The following ULK4 variants were observed in gnomAD, a reference collection of about 807,000 sequenced individuals.
ULK4 encodes the protein unc-51 like kinase 4, also known as inactive serine/threonine-protein kinase ULK4.
In ULK4, 133 loss-of-function variants were observed where a neutral mutation model predicts 160.6. The ratio of observed to expected loss-of-function variants is 0.83; its 90% confidence interval spans 0.72 to 0.96. The LOEUF (loss-of-function observed/expected upper bound fraction) is 0.96. Among genes scored for constraint, ULK4 ranks in the 40% least tolerant of loss-of-function variants. The pLI, the probability that ULK4 is intolerant of heterozygous loss-of-function variation, is 0.00. For missense variants in ULK4, 1,580 were observed against 1,499.5 expected, an observed-to-expected ratio of 1.05 and a Z score of -0.89; for synonymous variants, 534 against 539.8, an observed-to-expected ratio of 0.99 and a Z score of 0.15.
At chr3:41,897,884 T>C (rs1698220346) in intron 14 of ULK4, among the ~76,000 whole-genome samples, 1 of 152,222 alleles carries the variant, frequency 6.6e-6, no homozygotes, top group Admixed American at 6.5e-5. Context: ...ATATAATTTG[T>C]TAAACGAAAA....
In ULK4 at chr3:41,458,525, C is replaced by T. The variant is rs572599127; in HGVS notation, c.3394-2930G>A. Among the ~76,000 whole-genome samples, 4 of 151,974 alleles carry T rather than the reference C, an allele frequency of 2.6e-5. No homozygotes were observed. The South Asian group carries it at 8.3e-4, about 32-fold the overall frequency. Reference sequence around the variant, plus strand: ...GCCGAGGCGGGTGGCCTGTCAATTTCTGGGCCATATTTAACATTAAATAGC... The same window carrying T: ...GCCGAGGCGGGTGGCCTGTCAATTTTTGGGCCATATTTAACATTAAATAGC... On this transcript the variant is annotated intron_variant, in intron 33 of 36. Coordinates refer to ENST00000301831, the MANE Select transcript of ULK4 (RefSeq NM_017886.4).
At chr3:41,460,852 GACC>G (rs2083666883) in intron 33 of ULK4, among the ~76,000 whole-genome samples, 1 of 152,056 alleles carries the variant, frequency 6.6e-6, no homozygotes, top group Non-Finnish European at 1.5e-5. Flanking sequence ...GCAGAGTGGT[GACC>G]ACATCTACTT....
At chr3:41,924,567 A>G (rs1358305018) in intron 5 of ULK4, among the ~76,000 whole-genome samples, 1 of 152,192 alleles carries the variant, frequency 6.6e-6, no homozygotes, top group Non-Finnish European at 1.5e-5. Flanking sequence ...ACTGAAATAT[A>G]CCATTGACCT....
At chr3:41,656,995 G>C (rs576153212) in intron 30 of ULK4, among the ~76,000 whole-genome samples, 11 of 152,282 alleles carry the variant, frequency 7.2e-5, no homozygotes, top group African/African-American at 2.6e-4. Context: ...GCAACCTACT[G>C]TAAAATTAAG....
At chr3:41,575,241 T>C (rs972283671) in intron 31 of ULK4, among the ~76,000 whole-genome samples, 5 of 152,202 alleles carry the variant, frequency 3.3e-5, no homozygotes, top group African/African-American at 9.6e-5. Context: ...ATGGATTTCC[T>C]AGGAAGAAAG....
chr3:41,325,011 A>C (rs893671732), intron 35 of ULK4, among the ~76,000 whole-genome samples: 3 of 151,996 alleles, frequency 2.0e-5, no homozygotes, highest in African/African-American at 7.3e-5. Flanking sequence ...GCCAAATGAG[A>C]TCATCTACAC....
chr3:41,829,973 A>G (rs1372945377), intron 18 of ULK4, among the ~76,000 whole-genome samples: 1 of 151,992 alleles, frequency 6.6e-6, no homozygotes, highest in African/African-American at 2.4e-5. Flanking sequence ...GCCATAAAAA[A>G]TGATGAGTTC....
chr3:41,601,469 G>C (rs991537461), intron 31 of ULK4, among the ~76,000 whole-genome samples: 2 of 152,240 alleles, frequency 1.3e-5, no homozygotes, highest in Non-Finnish European at 1.5e-5. Flanking sequence ...GAAGTACTTA[G>C]AAACTTGCTT....
intron 34 of ULK4, among the ~76,000 whole-genome samples, chr3:41,429,125 T>C (rs1444094220): frequency 6.6e-6 from 1 of 151,312 alleles, no homozygotes; most frequent in South Asian, 2.1e-4. Flanking sequence ...ACGACATATA[T>C]GCAGCCAACA....
At chr3:41,842,845 C>T (rs1402278062) in intron 17 of ULK4, among the ~76,000 whole-genome samples, 3 of 152,176 alleles carry the variant, frequency 2.0e-5, no homozygotes, top group African/African-American at 7.2e-5. Flanking sequence ...ATCAATGGAA[C>T]CAAACAGAAT....
At chr3:41,765,838 G>C (rs925620818) in intron 21 of ULK4, among the ~76,000 whole-genome samples, 1 of 152,094 alleles carries the variant, frequency 6.6e-6, no homozygotes, top group Non-Finnish European at 1.5e-5. Context: ...CAATTAAAAA[G>C]TATGTATGAA....
rs560093443 is a variant in ULK4, at chr3:41,730,525, T to C, written c.2322-12664A>G. Among the ~76,000 whole-genome samples, 6 of 152,162 alleles carry C rather than the reference T, an allele frequency of 3.9e-5. No individual in the cohort carries two copies. In the East Asian group the frequency reaches 9.6e-4, roughly 24 times the overall value. On this transcript the variant is annotated intron_variant, in intron 22 of 36. Coordinates refer to ENST00000301831, the MANE Select transcript of ULK4 (RefSeq NM_017886.4). ...AAAAAGTTGAAAAATCTATCAAAAA[T>C]GGACAAATGCCTGGATACACGCAGT...
intron 32 of ULK4, among the ~76,000 whole-genome samples, chr3:41,511,575 C>T (rs931006436): frequency 6.6e-5 from 10 of 152,050 alleles, no homozygotes; most frequent in Non-Finnish European, 1.2e-4. Flanking sequence ...TAAAACCCTC[C>T]TACATTAAAC....
chr3:41,827,376 G>GT (rs1208720135), intron 18 of ULK4, among the ~76,000 whole-genome samples: 1 of 151,950 alleles, frequency 6.6e-6, no homozygotes, highest in Non-Finnish European at 1.5e-5. Context: ...CCAGGAGCTG[G>GT]TTTTTTGAAA....
intron 31 of ULK4, among the ~76,000 whole-genome samples, chr3:41,570,384 A>G (rs2087929451): frequency 6.6e-6 from 1 of 152,248 alleles, no homozygotes; most frequent in African/African-American, 2.4e-5. Flanking sequence ...TCATCTAATT[A>G]TTCTTACAGT....
chr3:41,900,624 A>G (rs1698316942), intron 13 of ULK4, 101 bp downstream of exon 13: 1 of 959,708 alleles, frequency 1.0e-6, no homozygotes, highest in Non-Finnish European at 1.5e-6. Context: ...CAAGAGAAAC[A>G]GGAAAGATTA....
chr3:41,865,368 C>G (rs1468835065), intron 17 of ULK4, among the ~76,000 whole-genome samples: 1 of 142,076 alleles, frequency 7.0e-6, no homozygotes, highest in East Asian at 2.3e-4. Flanking sequence ...TCACCCCAAT[C>G]TGGCTCCCAT....
intron 13 of ULK4, among the ~76,000 whole-genome samples, chr3:41,899,578 A>G (rs1230992004): frequency 1.3e-5 from 2 of 152,120 alleles, no homozygotes; most frequent in African/African-American, 4.8e-5. Flanking sequence ...AAATTTGTAA[A>G]CCTTCTTAAA....
At chr3:41,496,489 C>T (rs1472743287) in intron 32 of ULK4, among the ~76,000 whole-genome samples, 1 of 151,976 alleles carries the variant, frequency 6.6e-6, no homozygotes, top group Non-Finnish European at 1.5e-5. Flanking sequence ...TACATGGTGA[C>T]AGGGTCCAAG....
Sources: gnomAD v4.1 joint callset for allele counts (sites outside exome capture counted in the v4.1 genomes callset) on GRCh38, gnomAD v4.1.1 for gene constraint, MANE v1.5 for transcripts, NCBI Gene and HGNC (gene_info 2026-07-23, HGNC 2026-07-21) for gene names.